The following KIFAP3 variants were observed in gnomAD, a reference collection of about 807,000 sequenced individuals.
The protein encoded by KIFAP3 is kinesin-associated protein 3.
A neutral mutation model predicts 106.5 loss-of-function variants in KIFAP3; 68 were observed. The ratio of observed to expected loss-of-function variants is 0.64; its 90% confidence interval spans 0.53 to 0.78. The LOEUF (loss-of-function observed/expected upper bound fraction) is 0.78. Ranked by LOEUF, KIFAP3 falls within the 30% of genes least tolerant of loss-of-function variation. The probability of loss-of-function intolerance (pLI) is 0.00; values close to 1 mark genes in which losing one functional copy is unlikely to be tolerated. For synonymous variants in KIFAP3, 320 were observed against 311.5 expected, an observed-to-expected ratio of 1.03 and a Z score of -0.29; for missense variants, 780 against 941.8, an observed-to-expected ratio of 0.83 and a Z score of 2.25.
intron 19 of KIFAP3, among the ~76,000 whole-genome samples, chr1:169,936,962 T>TAC (rs72076423): frequency 3.0e-3 from 8 of 2,666 alleles, no homozygotes; most frequent in Admixed American, 8.6e-3. Context: ...GAATATATAT[T>TAC]ATATATATAT....
At chr1:169,981,535 T>C (rs960514750) in intron 15 of KIFAP3, among the ~76,000 whole-genome samples, 3 of 152,214 alleles carry the variant, frequency 2.0e-5, no homozygotes, top group African/African-American at 7.2e-5. Context: ...TTATTAATTA[T>C]GGTTGTTAAT....
At chr1:169,960,780 C>A (rs1665282486) in intron 18 of KIFAP3, among the ~76,000 whole-genome samples, 1 of 152,062 alleles carries the variant, frequency 6.6e-6, no homozygotes, top group African/African-American at 2.4e-5. Flanking sequence ...TTAAGTTACA[C>A]ATTCTAGCAA....
rs1285839217 is a variant in KIFAP3 at position 170,032,548 on chromosome 1, G to A, written c.743-564C>T. 7.9e-5 allele frequency among the ~76,000 whole-genome samples: 12 copies of A among 151,754 alleles called. No homozygotes were observed. The South Asian group carries it at 1.0e-3, about 13-fold the overall frequency. On this transcript the variant is annotated intron_variant, in intron 7 of 19. Coordinates refer to ENST00000361580, the MANE Select transcript of KIFAP3 (RefSeq NM_014970.4). Reference sequence around the variant, plus strand: ...AAATCACATCTTCTGGTCCCAAATCGTCCTCTGGACTTCTTGCAAAAATAA... The same window carrying A: ...AAATCACATCTTCTGGTCCCAAATCATCCTCTGGACTTCTTGCAAAAATAA...
chr1:169,978,208 T>A (rs534480124), intron 15 of KIFAP3, 25 bp from the exon 16 acceptor site: 2 of 1,406,594 alleles, frequency 1.4e-6, no homozygotes, highest in African/African-American at 1.4e-5. Flanking sequence ...AAAATTCAAA[T>A]AAAGAATACT....
chr1:169,967,783 A>G (rs1665701903), intron 17 of KIFAP3, among the ~76,000 whole-genome samples: 1 of 151,882 alleles, frequency 6.6e-6, no homozygotes, highest in South Asian at 2.1e-4. Flanking sequence ...TTAACAAGCA[A>G]TTCTTAAATG....
rs909658368 is a variant in KIFAP3, at chr1:170,046,893, T to C, written c.165-27A>G. 5 of 1,494,718 alleles carry C rather than the reference T, an allele frequency of 3.3e-6. No individual in the cohort carries two copies. The African/African-American group carries it at 4.2e-5, about 13-fold the overall frequency. 92.6% of individuals were successfully genotyped at this position (1,494,718 alleles called of 1,614,324 possible). On this transcript the variant is annotated intron_variant, in intron 2 of 19. Transcript: ENST00000361580. ...TGTAAGTATAACAGAATTTTTCAACTCACGTATTATAAAAGTAATAACTTC... is the reference window on the plus strand; with the variant it reads ...TGTAAGTATAACAGAATTTTTCAACCCACGTATTATAAAAGTAATAACTTC...
intron 2 of KIFAP3, among the ~76,000 whole-genome samples, chr1:170,052,073 A>T (rs1046750788): frequency 6.6e-6 from 1 of 152,122 alleles, no homozygotes; most frequent in African/African-American, 2.4e-5. Flanking sequence ...TTTCAAAAAA[A>T]TTAACAAAAT....
intron 5 of KIFAP3, among the ~76,000 whole-genome samples, chr1:170,037,161 C>T (rs1393710828): frequency 6.6e-6 from 1 of 152,070 alleles, no homozygotes; most frequent in Non-Finnish European, 1.5e-5. Flanking sequence ...AACACTAAAA[C>T]AATTCCATGA....
At position 170,074,560 on chromosome 1, in the gene KIFAP3, A is replaced by G. The variant is rs967461841; in HGVS notation, c.-93T>C. The G allele has an allele frequency of 2.6e-5, 41 of 1,594,676 alleles. No homozygotes were observed. The highest frequency in any genetic ancestry group is 1.7e-4 in the Middle Eastern group (1 of 5,974). On this transcript the variant is annotated 5_prime_UTR_variant, in exon 1 of 20. Transcript: ENST00000361580. ...CGGTGGCCAAAGTACCCTCACACCCAGAGGCGATGACAGTCCTGAGGCCTG... is the reference window on the plus strand; with the variant it reads ...CGGTGGCCAAAGTACCCTCACACCCGGAGGCGATGACAGTCCTGAGGCCTG...
At chr1:169,998,199 C>T (rs924924796) in intron 10 of KIFAP3, among the ~76,000 whole-genome samples, 18 of 151,848 alleles carry the variant, frequency 1.2e-4, no homozygotes, top group Admixed American at 9.2e-4. Flanking sequence ...ATCAAGCAGA[C>T]GAAAGAACAG....
At chr1:169,964,263 T>A (rs1168901315) in intron 17 of KIFAP3, among the ~76,000 whole-genome samples, 1 of 152,156 alleles carries the variant, frequency 6.6e-6, no homozygotes, top group Non-Finnish European at 1.5e-5. Context: ...CTCTCTGACA[T>A]ATGTGCCATA....
chr1:170,037,607 C>T (rs371758097), intron 5 of KIFAP3, among the ~76,000 whole-genome samples: 19 of 151,094 alleles, frequency 1.3e-4, no homozygotes, highest in African/African-American at 4.6e-4. Context: ...AGTGGTGGCA[C>T]GTGCCTATAA....
At chr1:169,931,610 G>C (rs1663486041) in intron 19 of KIFAP3, among the ~76,000 whole-genome samples, 1 of 152,156 alleles carries the variant, frequency 6.6e-6, no homozygotes, top group South Asian at 2.1e-4. Context: ...AAATGTTAAG[G>C]GAACTTGCTG....
At chr1:169,965,901 C>T (rs1211004620) in intron 17 of KIFAP3, among the ~76,000 whole-genome samples, 1 of 151,880 alleles carries the variant, frequency 6.6e-6, no homozygotes, top group Non-Finnish European at 1.5e-5. Context: ...ACTGATCTTC[C>T]AAGGCAGTGA....
At chr1:170,005,633 C>G (rs1233569307) in intron 10 of KIFAP3, among the ~76,000 whole-genome samples, 1 of 144,442 alleles carries the variant, frequency 6.9e-6, no homozygotes, top group Non-Finnish European at 1.5e-5. Flanking sequence ...TGCATGTTCT[C>G]ACTCATAGGT....
intron 7 of KIFAP3, 135 bp downstream of exon 7, chr1:170,034,237 T>G: frequency 1.3e-6 from 1 of 747,596 alleles, no homozygotes; most frequent in Non-Finnish European, 2.2e-6. Context: ...TAACCTTCAA[T>G]AACACACTCC....
At chr1:169,923,146 G>C in intron 19 of KIFAP3, 1 of 959,940 alleles carries the variant, frequency 1.0e-6, no homozygotes, top group Non-Finnish European at 1.2e-6. Flanking sequence ...GAGCGATTCT[G>C]GACAAAATTT....
chr1:170,020,002 T>C (rs751547823), intron 9 of KIFAP3, among the ~76,000 whole-genome samples: 59 of 152,292 alleles, frequency 3.9e-4, no homozygotes, highest in Admixed American at 1.5e-3. Flanking sequence ...ATAAGGTCAA[T>C]ATGCAAAATC....
chr1:169,976,068 C>T (rs753588715), intron 16 of KIFAP3, among the ~76,000 whole-genome samples: 1 of 152,094 alleles, frequency 6.6e-6, no homozygotes, highest in East Asian at 1.9e-4. Flanking sequence ...TAATAAGGTA[C>T]TAAATGTACA....
Sources: allele counts gnomAD v4.1 joint callset (sites outside exome capture counted in the v4.1 genomes callset), GRCh38; gene constraint gnomAD v4.1.1; transcripts MANE v1.5; gene names NCBI Gene and HGNC (gene_info 2026-07-23, HGNC 2026-07-21).